The following PCDHA1 variants were observed in gnomAD, a reference collection of about 807,000 sequenced individuals.
The protein encoded by PCDHA1 is protocadherin alpha 1, also known as protocadherin alpha-1.
Under a neutral mutation model 61.3 loss-of-function variants are expected in PCDHA1, and 42 were observed. The ratio of observed to expected loss-of-function variants is 0.69; its 90% CI spans 0.54 to 0.89. The LOEUF (loss-of-function observed/expected upper bound fraction) is 0.89, where lower values mean the gene tolerates loss of function less well. Ranked by LOEUF, PCDHA1 falls within the 40% of genes least tolerant of loss-of-function variation. The pLI is 0.00. For missense variants in PCDHA1, 1,256 were observed against 1,235.3 expected, an observed-to-expected ratio of 1.02 and a Z score of -0.25; for synonymous variants, 610 against 553.8, an observed-to-expected ratio of 1.10 and a Z score of -1.43.
chr5:140,923,974 C>G (rs2081604148), intron 1 of PCDHA1, among the ~76,000 whole-genome samples: 1 of 152,212 alleles, frequency 6.6e-6, no homozygotes, highest in South Asian at 2.1e-4. Context: ...CCCACACATA[C>G]TATCCCTCTA....
chr5:140,827,425 A>G (rs2150147472), intron 1 of PCDHA1, among the ~76,000 whole-genome samples: 1 of 152,380 alleles, frequency 6.6e-6, no homozygotes, highest in East Asian at 1.9e-4. Context: ...CTAGAATTTT[A>G]TCTTCCATCA....
chr5:140,929,484 T>C, intron 1 of PCDHA1: 1 of 1,156,262 alleles, frequency 8.6e-7, no homozygotes, highest in Non-Finnish European at 1.2e-6. Context: ...AGTATAGAAG[T>C]ATTAGAAGAT....
chr5:140,802,707 C>T (rs782747649), intron 1 of PCDHA1: 4 of 1,612,414 alleles, frequency 2.5e-6, no homozygotes, highest in Non-Finnish European at 3.4e-6. Flanking sequence ...GGAGCGCGCG[C>T]TGTCGAGCTA....
intron 3 of PCDHA1, among the ~76,000 whole-genome samples, chr5:141,006,559 T>C (rs2098278096): frequency 6.6e-6 from 1 of 152,134 alleles, no homozygotes; most frequent in East Asian, 1.9e-4. Flanking sequence ...TAAAGATGAC[T>C]CTGGCTACTG....
chr5:140,795,324 A>G (rs782786984), intron 1 of PCDHA1: 17 of 1,614,222 alleles, frequency 1.1e-5, no homozygotes, highest in East Asian at 2.2e-5. Flanking sequence ...TCCATGTGGA[A>G]GTGGAGGTGA....
At chr5:140,868,925 T>C (rs558364822) in intron 1 of PCDHA1, 1 of 1,048,896 alleles carries the variant, frequency 9.5e-7, no homozygotes. Flanking sequence ...GAAAGTTCAT[T>C]TAAAGGTTGG....
At chr5:140,882,629 G>C in intron 1 of PCDHA1, 1 of 1,614,254 alleles carries the variant, frequency 6.2e-7, no homozygotes, top group Non-Finnish European at 8.5e-7. Context: ...CCATGTGGAG[G>C]TGAAGGTGAG....
rs1382379376 is a variant in PCDHA1, at chr5:140,858,936, T to A, written c.2394+70252T>A. On this transcript the variant is annotated intron_variant, in intron 1 of 3. Transcript: ENST00000504120. ...TATACTGCCATAGTAGATTTCAATG[T>A]TCAGTGATTACAGCTTTTTCTCAAT... The A allele has an allele frequency of 1.2e-5, 2 of 160,734 alleles. 1 individual carries two copies. Among genetic ancestry groups the A allele is most frequent in the Non-Finnish European group, 2.7e-5 (2 of 74,452 alleles). The allele number at this position is 160,734 out of a possible 1,614,324, so 10.0% of individuals were successfully genotyped here.
At chr5:140,794,834 AC>A in intron 1 of PCDHA1, 1 of 1,014,068 alleles carries the variant, frequency 9.9e-7, no homozygotes, top group African/African-American at 1.6e-5. Flanking sequence ...GAAGGAAAAT[AC>A]CCAGAGCCCC....
intron 3 of PCDHA1, among the ~76,000 whole-genome samples, chr5:140,998,708 GC>G (rs1350967952): frequency 1.3e-5 from 2 of 152,024 alleles, no homozygotes; most frequent in Admixed American, 6.6e-5. Context: ...GGGATTACAA[GC>G]TTGCACCACC....
chr5:140,905,980 G>A (rs2072263534), intron 1 of PCDHA1, among the ~76,000 whole-genome samples: 1 of 152,178 alleles, frequency 6.6e-6, no homozygotes, highest in Non-Finnish European at 1.5e-5. Context: ...CAGCATGGGA[G>A]AAAGATGTAG....
At chr5:140,822,112 C>T in intron 1 of PCDHA1, 1 of 1,614,250 alleles carries the variant, frequency 6.2e-7, no homozygotes, top group Non-Finnish European at 8.5e-7. Flanking sequence ...GGACAGGCCG[C>T]TGCAGGTTTT....
intron 1 of PCDHA1, chr5:140,812,355 T>C (rs1413967981): frequency 6.6e-6 from 1 of 152,176 alleles, no homozygotes; most frequent in Non-Finnish European, 1.5e-5. Flanking sequence ...CTCTTTTGTT[T>C]CTGACTTCCA....
At chr5:140,927,040 A>G in intron 1 of PCDHA1, 1 of 1,612,350 alleles carries the variant, frequency 6.2e-7, no homozygotes, top group Non-Finnish European at 8.5e-7. Context: ...AGCGGCCGCT[A>G]TGTCCTCGCG....
intron 1 of PCDHA1, chr5:140,849,920 C>T (rs2041223801): frequency 6.3e-7 from 1 of 1,598,270 alleles, no homozygotes; most frequent in Non-Finnish European, 8.6e-7. Flanking sequence ...GCCACATCTT[C>T]ACGGTGTCTG....
chr5:140,931,759 T>C (rs2087738384), intron 1 of PCDHA1, among the ~76,000 whole-genome samples: 2 of 151,994 alleles, frequency 1.3e-5, no homozygotes, highest in African/African-American at 4.8e-5. Flanking sequence ...GCATTTGTTA[T>C]TTACTTCTTC....
At chr5:140,794,815 G>A in intron 1 of PCDHA1, 1 of 830,710 alleles carries the variant, frequency 1.2e-6, no homozygotes. Flanking sequence ...ACCATAGAGT[G>A]TTCTCTAGGA....
At chr5:140,857,418 C>T in intron 1 of PCDHA1, 1 of 1,598,514 alleles carries the variant, frequency 6.3e-7, no homozygotes, top group South Asian at 1.1e-5. Context: ...TTCGCGCAGT[C>T]CGAGTACACG....
intron 3 of PCDHA1, among the ~76,000 whole-genome samples, chr5:141,007,395 C>CAA (rs35800918): frequency 2.8e-4 from 27 of 94,848 alleles, no homozygotes; most frequent in South Asian, 7.0e-4. Context: ...TACTAAAATA[C>CAA]AAAAAAAAAA....
Sources: gnomAD v4.1 joint callset for allele counts (sites outside exome capture counted in the v4.1 genomes callset) on GRCh38, gnomAD v4.1.1 for gene constraint, MANE v1.5 for transcripts, NCBI Gene and HGNC (gene_info 2026-07-23, HGNC 2026-07-21) for gene names.